Variants in COL3A1 observed in about 807,000 individuals in gnomAD.
COL3A1 encodes the protein collagen alpha-1(III) chain.
Under a neutral mutation model 200.9 loss-of-function variants are expected in COL3A1, and 46 were observed. The ratio of observed to expected loss-of-function variants is 0.23; its 90% CI spans 0.18 to 0.29. The LOEUF is 0.29. Among genes scored for constraint, COL3A1 ranks in the 10% least tolerant of loss-of-function variants. The probability of loss-of-function intolerance (pLI) is 1.00; values close to 1 mark genes in which losing one functional copy is unlikely to be tolerated. For missense variants in COL3A1, 1,367 were observed against 1,917.6 expected (o/e 0.71, Z 5.36); for synonymous variants, 650 against 628.0 (o/e 1.03, Z -0.52).
intron 27 of COL3A1, 34 bp from the exon 28 acceptor site, chr2:188,998,232 G>C (rs1348764846): frequency 6.3e-7 from 1 of 1,588,380 alleles, no homozygotes; most frequent in Admixed American, 1.7e-5. Flanking sequence ...CCATGTTTGA[G>C]GTAATTACCT....
intron 1 of COL3A1, among the ~76,000 whole-genome samples, chr2:188,978,537 A>G (rs1687876306): frequency 6.6e-6 from 1 of 151,972 alleles, no homozygotes; most frequent in Non-Finnish European, 1.5e-5. Context: ...CAGCTCTTTA[A>G]TTTTGTAACA....
At position 188,994,120 on chromosome 2, in the gene COL3A1, A is replaced by G. The variant is rs776127727; in HGVS notation, c.1194+38A>G. The G allele has an allele frequency of 5.0e-6, 8 of 1,613,410 alleles. No homozygotes were observed. In the South Asian group the frequency reaches 7.7e-5, roughly 16 times the overall value. On this transcript the variant is annotated intron_variant, in intron 17 of 50. Coordinates refer to ENST00000304636, the MANE Select transcript of COL3A1 (RefSeq NM_000090.4). The surrounding 1 kb of genome is among the most constrained non-coding windows in gnomAD (Gnocchi z 4.5). ...CACTCCTCAGCCTTATCTCATCCAC[A>G]CATTACTGGCTTCTTTTGCATTTTG...
At chr2:189,006,842 A>G (rs960766983) in intron 43 of COL3A1, 95 bp from the exon 44 acceptor site, 7 of 1,255,832 alleles carry the variant, frequency 5.6e-6, no homozygotes, top group Non-Finnish European at 8.1e-6. Context: ...CTATAATTCT[A>G]TTATAATGAA....
intron 35 of COL3A1, 138 bp downstream of exon 35, chr2:189,002,489 T>C: frequency 1.3e-6 from 1 of 759,838 alleles, no homozygotes; most frequent in Non-Finnish European, 2.3e-6. Context: ...GTACCCCTAT[T>C]TTGTTTTACT....
intron 32 of COL3A1, among the ~76,000 whole-genome samples, chr2:189,000,178 A>G (rs1688425394): frequency 1.3e-5 from 2 of 152,316 alleles, no homozygotes; most frequent in Middle Eastern, 3.4e-3. Flanking sequence ...GAAATTTAGG[A>G]TAATCAATGC....
intron 1 of COL3A1, among the ~76,000 whole-genome samples, chr2:188,976,898 G>A (rs574456415): frequency 2.0e-5 from 3 of 152,256 alleles, no homozygotes; most frequent in African/African-American, 4.8e-5. Context: ...TTTACATAAC[G>A]AATGCCAATA....
intron 16 of COL3A1, 137 bp downstream of exon 16, chr2:188,993,596 G>A (rs1433329309): frequency 2.6e-6 from 2 of 777,588 alleles, no homozygotes; most frequent in East Asian, 2.7e-5. Context: ...TTGTTGCTTA[G>A]TGCTCTAAAA....
At chr2:189,003,095 C>T (rs1209407497) in intron 36 of COL3A1, 33 bp downstream of exon 36, 1 of 1,431,200 alleles carries the variant, frequency 7.0e-7, no homozygotes, top group East Asian at 2.5e-5. Context: ...GTCTATCTAT[C>T]TATCATCTAT....
intron 37 of COL3A1, 122 bp downstream of exon 37, chr2:189,003,586 C>A: frequency 7.6e-7 from 1 of 1,323,506 alleles, no homozygotes; most frequent in Non-Finnish European, 1.1e-6. Context: ...CTCATTCATA[C>A]ATGAGTTATA....
chr2:189,001,571 T>G lies in COL3A1; in HGVS notation c.2373T>G (p.Ala791=), dbSNP rs200452382. The change falls in exon 34 of 51, where the codon GCT becomes GCG. Residue 791 remains alanine, a synonymous_variant. Coordinates refer to ENST00000304636, the MANE Select transcript of COL3A1 (RefSeq NM_000090.4). ...EGGAPGLPGI[A]GPRGSPGERG... ...GTGCCCCCGGACTTCCAGGTATAGC[T>G]GGACCTCGTGGTAGCCCTGTAAGTG... 3 of 1,613,998 alleles carry G rather than the reference T, an allele frequency of 1.9e-6. No homozygotes were observed. The highest frequency in any genetic ancestry group is 2.5e-6 in the Non-Finnish European group (3 of 1,180,014).
Position 188,993,397 on chromosome 2 carries a change from G to T in COL3A1, c.1087G>T (p.Gly363Cys). ...VGPAGSPGSNGAPGQRGEPGP... is the reference protein window; with the variant it reads ...VGPAGSPGSNCAPGQRGEPGP... ...ACCTGCAGGGTCTCCTGGTTCAAAT[G>T]GTGCCCCTGGACAAAGAGGAGAACC... The change falls in exon 16 of 51, where the codon GGT becomes TGT. Residue 363 changes from glycine (G) to cysteine (C), a missense_variant. By Grantham distance (159) the Gly-to-Cys change is radical (BLOSUM62 -3). Around this residue, in one of 5 missense-constraint regions of COL3A1, gnomAD observed 462 missense variants for 681.4 expected, o/e 0.68. Transcript: ENST00000304636. 1 of 1,570,104 alleles carries T rather than the reference G, an allele frequency of 6.4e-7. No homozygotes were observed. Among genetic ancestry groups the T allele is most frequent in the East Asian group, 2.4e-5 (1 of 42,550 alleles).
Position 188,991,726 on chromosome 2 carries a change from A to C in COL3A1, c.951+4A>C. The C allele has an allele frequency of 6.2e-7, 1 of 1,613,934 alleles. No individual in the cohort carries two copies. The highest frequency in any genetic ancestry group is 8.5e-7 in the Non-Finnish European group (1 of 1,179,900). On this transcript the variant is annotated splice_donor_region_variant and intron_variant, in intron 13 of 50. Coordinates refer to ENST00000304636, the MANE Select transcript of COL3A1 (RefSeq NM_000090.4). ...GCCAGGACTTCCTGGGGCTGCAGTG[A>C]GTATAGCTGCTAACATCACACAATT...
In COL3A1 at chr2:189,010,330, G is replaced by C. The variant is rs762269632; in HGVS notation, c.3976G>C (p.Val1326Leu). Residue 1326 changes from valine to leucine, a missense_variant, in exon 49 of 51, where the codon GTT (valine) becomes CTT (leucine). Physicochemically the swap from Val to Leu is conservative, Grantham distance 32 (BLOSUM62 1). This residue lies in a region of COL3A1 where 846 missense variants were observed against 1,147.9 expected (regional missense o/e 0.74). Coordinates refer to ENST00000304636, the MANE Select transcript of COL3A1 (RefSeq NM_000090.4). Reference sequence around the variant, plus strand: ...AGATTCTAGTGCTGAGAAGAAACACGTTTGGTTTGGAGAGTCCATGGATGG... The same window carrying C: ...AGATTCTAGTGCTGAGAAGAAACACCTTTGGTTTGGAGAGTCCATGGATGG... ...WTDSSAEKKH[V>L]WFGESMDGGF... 1 of 1,614,008 alleles carries C rather than the reference G, an allele frequency of 6.2e-7. No homozygotes were observed. Among genetic ancestry groups the C allele is most frequent in the African/African-American group, 1.3e-5 (1 of 74,926 alleles).
At chr2:188,984,688 C>T in intron 1 of COL3A1, 72 bp from the exon 2 acceptor site, 1 of 1,354,304 alleles carries the variant, frequency 7.4e-7, no homozygotes, top group Non-Finnish European at 1.1e-6. Flanking sequence ...TGTTAATAGT[C>T]CTAACAGAGT....
At chr2:188,996,211 G>C (rs1186095193) in intron 23 of COL3A1, 33 bp downstream of exon 23, 3 of 1,593,368 alleles carry the variant, frequency 1.9e-6, no homozygotes, top group Admixed American at 3.3e-5. Context: ...ATTTTAAAAG[G>C]CCAGTTAAAA....
chr2:188,989,762 G>C (rs996883680), intron 8 of COL3A1, among the ~76,000 whole-genome samples: 2 of 152,110 alleles, frequency 1.3e-5, no homozygotes, highest in East Asian at 3.9e-4. Context: ...TGATGAAATT[G>C]ATACCACTAT....
Position 189,011,785 on chromosome 2 carries a change from A to C in COL3A1, c.*11A>C, listed in dbSNP as rs755742376. ...GTTTGCTTTTTATAAACCAAACTCT[A>C]TCTGAAATCCCAACAAAAAAAATTT... On this transcript the variant is annotated 3_prime_UTR_variant, in exon 51 of 51. Transcript: ENST00000304636. 6.2e-6 allele frequency: 10 copies of C among 1,613,722 alleles called. No individual in the cohort carries two copies. The Admixed American group carries it at 1.7e-4, about 27-fold the overall frequency.
chr2:189,008,608 C>T (rs1430469309), intron 47 of COL3A1: 1 of 472,104 alleles, frequency 2.1e-6, no homozygotes, highest in Non-Finnish European at 3.8e-6. Context: ...TCCCCTCTGT[C>T]ATGTCAATAT....
intron 37 of COL3A1, 119 bp downstream of exon 37, chr2:189,003,583 A>T (rs1429983683): frequency 1.5e-6 from 2 of 1,331,020 alleles, no homozygotes; most frequent in Non-Finnish European, 1.1e-6. Context: ...TCGCTCATTC[A>T]TACATGAGTT....
Sources: gnomAD v4.1 joint callset for allele counts (sites outside exome capture counted in the v4.1 genomes callset) on GRCh38, gnomAD v4.1.1 for gene constraint, gnomAD v4.1.1 regional missense constraint, Gnocchi (gnomAD v3.1) non-coding constraint, MANE v1.5 for transcripts, NCBI Gene and HGNC (gene_info 2026-07-23, HGNC 2026-07-21) for gene names.